Variants in SPTLC2 observed in about 807,000 individuals in gnomAD.
SPTLC2 encodes the protein serine palmitoyltransferase long chain base subunit 2.
Under a neutral mutation model 62.0 loss-of-function variants are expected in SPTLC2, and 21 were observed. The ratio of observed to expected loss-of-function variants is 0.34; its 90% confidence interval spans 0.24 to 0.49. SPTLC2 has a LOEUF of 0.49. Among genes scored for constraint, SPTLC2 ranks in the 20% least tolerant of loss-of-function variants. SPTLC2 has a pLI of 0.99. For missense variants in SPTLC2, 511 were observed against 713.0 expected (o/e 0.72, Z 3.23); for synonymous variants, 261 against 261.8 (o/e 1.00, Z 0.03).
At chr14:77,521,629 A>C in intron 9 of SPTLC2, 48 bp from the exon 10 acceptor site, 1 of 1,570,538 alleles carries the variant, frequency 6.4e-7, no homozygotes, top group Non-Finnish European at 8.8e-7. Flanking sequence ...AGTAAAAAGG[A>C]ATGGAAAAAA....
intron 3 of SPTLC2, among the ~76,000 whole-genome samples, chr14:77,577,796 AGGCTGAG>A (rs1180164157): frequency 6.6e-6 from 1 of 152,186 alleles, no homozygotes; most frequent in Non-Finnish European, 1.5e-5. Flanking sequence ...GCTACTCGGG[AGGCTGAG>A]GCAGGAGAAT....
intron 9 of SPTLC2, among the ~76,000 whole-genome samples, chr14:77,536,587 C>G (rs1205447031): frequency 3.9e-5 from 6 of 152,130 alleles, no homozygotes. Context: ...AGCAATACCC[C>G]TTTTCATCCT....
intron 1 of SPTLC2, among the ~76,000 whole-genome samples, 178 bp from the exon 2 acceptor site, chr14:77,597,558 T>C (rs1053568620): frequency 1.3e-5 from 2 of 151,544 alleles, no homozygotes; most frequent in African/African-American, 4.9e-5. Context: ...GCAGATCACT[T>C]GAGGTCAGGA....
At chr14:77,520,647 T>TAA (rs2079380991) in intron 10 of SPTLC2, among the ~76,000 whole-genome samples, 1 of 152,226 alleles carries the variant, frequency 6.6e-6, no homozygotes, top group African/African-American at 2.4e-5. Flanking sequence ...TTACTGTTCA[T>TAA]TTGCTTTTCA....
intron 5 of SPTLC2, among the ~76,000 whole-genome samples, chr14:77,568,353 A>G (rs1186544819): frequency 6.6e-6 from 1 of 152,234 alleles, no homozygotes; most frequent in Non-Finnish European, 1.5e-5. Flanking sequence ...CAAATTTACC[A>G]AAACTGGCTT....
chr14:77,540,733 C>T (rs550548323), intron 9 of SPTLC2, among the ~76,000 whole-genome samples: 2 of 152,286 alleles, frequency 1.3e-5, no homozygotes, highest in Admixed American at 1.3e-4. Flanking sequence ...CTTAGACTCC[C>T]AAAGTGCTGG....
At chr14:77,541,490 A>G (rs2079500272) in intron 9 of SPTLC2, among the ~76,000 whole-genome samples, 1 of 152,240 alleles carries the variant, frequency 6.6e-6, no homozygotes, top group East Asian at 1.9e-4. Flanking sequence ...CTCTGTGCAC[A>G]CAGACTGGAT....
chr14:77,506,406 C>T lies in SPTLC2; in HGVS notation c.*5878G>A, dbSNP rs763810977. 4.6e-5 allele frequency: 7 copies of T among 152,156 alleles called. No individual in the cohort carries two copies. The highest frequency in any genetic ancestry group is 1.0e-4 in the Non-Finnish European group (7 of 68,024). The allele number at this position is 152,156 out of a possible 1,614,324, so 9.4% of individuals were successfully genotyped here. ...CAACGAAGTAAGATCTCAGCTCTCC[C>T]ATAAGCTATTGCTCTCTTCTTCTCT... On this transcript the variant is annotated 3_prime_UTR_variant, in exon 12 of 12. Coordinates refer to ENST00000216484, the MANE Select transcript of SPTLC2 (RefSeq NM_004863.4).
intron 1 of SPTLC2, among the ~76,000 whole-genome samples, chr14:77,606,611 C>T (rs185967791): frequency 7.7e-4 from 117 of 152,170 alleles, no homozygotes; most frequent in East Asian, 7.7e-4. Context: ...CCTATTCCAC[C>T]GAGAAACTCA....
At chr14:77,614,619 G>C (rs990083195) in intron 1 of SPTLC2, among the ~76,000 whole-genome samples, 37 of 151,050 alleles carry the variant, frequency 2.4e-4, no homozygotes, top group Admixed American at 1.9e-3. Flanking sequence ...AGCCGAGATC[G>C]CGCCACTGCA....
rs1296499382 is a variant in SPTLC2 at position 77,508,664 on chromosome 14, A to G, written c.*3620T>C. ...GGTTTTCACCAATAAGAAGGAAGCA[A>G]AGTGTATAACACACTAGAAAATTCA... On this transcript the variant is annotated 3_prime_UTR_variant, in exon 12 of 12. Transcript: ENST00000216484. 1 of 152,236 alleles carries G rather than the reference A, an allele frequency of 6.6e-6. No homozygotes were observed. The highest frequency in any genetic ancestry group is 1.9e-4 in the East Asian group (1 of 5,196). The allele number at this position is 152,236 out of a possible 1,614,324, so 9.4% of individuals were successfully genotyped here.
At chr14:77,592,013 C>T (rs1053045284) in intron 2 of SPTLC2, among the ~76,000 whole-genome samples, 17 of 151,932 alleles carry the variant, frequency 1.1e-4, no homozygotes, top group Non-Finnish European at 1.8e-4. Flanking sequence ...CGTGAGCCGC[C>T]GTGCCCAGCC....
At chr14:77,570,314 ACT>A (rs2079674022) in intron 5 of SPTLC2, 68 bp downstream of exon 5, 2 of 1,589,806 alleles carry the variant, frequency 1.3e-6, no homozygotes, top group South Asian at 1.1e-5. Context: ...CTTTTAGCTC[ACT>A]CTGACTGCTT....
intron 9 of SPTLC2, among the ~76,000 whole-genome samples, chr14:77,536,909 A>T (rs1312366783): frequency 6.6e-6 from 1 of 151,230 alleles, no homozygotes; most frequent in Non-Finnish European, 1.5e-5. Flanking sequence ...ACCAATGTCT[A>T]TGTATTCCCC....
At chr14:77,592,310 T>C (rs2079822325) in intron 2 of SPTLC2, among the ~76,000 whole-genome samples, 2 of 151,822 alleles carry the variant, frequency 1.3e-5, no homozygotes, top group South Asian at 2.1e-4. Flanking sequence ...AATTTTTGTA[T>C]TTTTAGTAGA....
At position 77,512,308 on chromosome 14, in the gene SPTLC2, C is replaced by T. The variant is rs763228906; in HGVS notation, c.1665G>A (p.Thr555=). 5.6e-6 allele frequency: 9 copies of T among 1,614,024 alleles called. No individual in the cohort carries two copies. Among genetic ancestry groups the T allele is most frequent in the Admixed American group, 1.7e-5 (1 of 60,004 alleles). ...CTCAGTCTTCTGTTTCTTCATACGTCGTCTCGTCAAAGGGCCTGTCCAGTA... is the reference window on the plus strand; with the variant it reads ...CTCAGTCTTCTGTTTCTTCATACGTTGTCTCGTCAAAGGGCCTGTCCAGTA... ...VPLLDRPFDE[T]TYEETED is the part of the protein sequence containing the mutation. Residue 555 remains threonine (T), a synonymous_variant, in exon 12 of 12, where the codon ACG becomes ACA. Coordinates refer to ENST00000216484, the MANE Select transcript of SPTLC2 (RefSeq NM_004863.4).
In SPTLC2 at chr14:77,512,240, G is replaced by T; in HGVS notation, c.*44C>A. Reference sequence around the variant, plus strand: ...AACTGGCTCACAAAGGCCACAGGCTGTCCTGGGTGAGGGAGAGTTCCTCTG... The same window carrying T: ...AACTGGCTCACAAAGGCCACAGGCTTTCCTGGGTGAGGGAGAGTTCCTCTG... On this transcript the variant is annotated 3_prime_UTR_variant, in exon 12 of 12. Coordinates refer to ENST00000216484, the MANE Select transcript of SPTLC2 (RefSeq NM_004863.4). 2 of 1,612,532 alleles carry T rather than the reference G, an allele frequency of 1.2e-6. No homozygotes were observed. The highest frequency in any genetic ancestry group is 1.1e-5 in the South Asian group (1 of 90,992).
At chr14:77,521,343 A>C in intron 10 of SPTLC2, 103 bp downstream of exon 10, 1 of 1,436,606 alleles carries the variant, frequency 7.0e-7, no homozygotes, top group South Asian at 1.2e-5. Flanking sequence ...AGGTTAACAC[A>C]GTAAGGACAA....
Position 77,517,643 on chromosome 14 carries a change from C to T in SPTLC2, c.1569+395G>A, listed in dbSNP as rs78099199. 4.2e-3 allele frequency among the ~76,000 whole-genome samples: 641 copies of T among 152,210 alleles called. 6 individuals carry two copies. The highest frequency in any genetic ancestry group is 0.015 in the African/African-American group (610 of 41,538). On this transcript the variant is annotated intron_variant, in intron 11 of 11. Transcript: ENST00000216484. Reference sequence around the variant, plus strand: ...GAACACAGAGCAAGAAGGTGTGGGGCGCCCCTGAGCAATTTTCCTTTAAAT... The same window carrying T: ...GAACACAGAGCAAGAAGGTGTGGGGTGCCCCTGAGCAATTTTCCTTTAAAT...
Sources: gnomAD v4.1 joint callset for allele counts (sites outside exome capture counted in the v4.1 genomes callset) on GRCh38, gnomAD v4.1.1 for gene constraint, MANE v1.5 for transcripts, NCBI Gene and HGNC (gene_info 2026-07-23, HGNC 2026-07-21) for gene names.